Variants in ARPC5L observed in about 807,000 individuals in gnomAD.
ARPC5L encodes actin related protein 2/3 complex subunit 5 like, also known as actin-related protein 2/3 complex subunit 5-like protein.
In ARPC5L, 4 loss-of-function variants were observed where a neutral mutation model predicts 16.9. That is an observed-to-expected ratio of 0.24 (90% CI 0.12 to 0.54). ARPC5L has a LOEUF of 0.54. Among genes scored for constraint, ARPC5L ranks in the 20% least tolerant of loss-of-function variants. The probability of loss-of-function intolerance (pLI) is 0.95; values close to 1 mark genes in which losing one functional copy is unlikely to be tolerated. For missense variants in ARPC5L, 151 were observed against 201.9 expected (o/e 0.75, Z 1.53); for synonymous variants, 78 against 82.6 (o/e 0.94, Z 0.30).
intron 4 of ARPC5L, 68 bp from the exon 5 acceptor site, chr9:124,874,907 T>G: frequency 1.3e-6 from 2 of 1,584,650 alleles, no homozygotes; most frequent in Non-Finnish European, 1.7e-6. Context: ...TGTCCTTGCT[T>G]TGGTGTGGGG....
intron 2 of ARPC5L, among the ~76,000 whole-genome samples, chr9:124,866,831 CCT>C (rs1225358768): frequency 3.3e-5 from 5 of 152,338 alleles, no homozygotes; most frequent in South Asian, 2.1e-4. Flanking sequence ...ATCTAAATCA[CCT>C]CTCTACTTTG....
rs1829386875 is a variant in ARPC5L, at chr9:124,873,333, G to A, written c.150-359G>A. The A allele has an allele frequency of 2.6e-5, 6 of 231,946 alleles. No homozygotes were observed. The South Asian group carries it at 2.9e-4, about 11-fold the overall frequency. 14.4% of individuals were successfully genotyped at this position (231,946 alleles called of 1,614,324 possible). On this transcript the variant is annotated intron_variant, in intron 3 of 5. Transcript: ENST00000353214. ...TTTTTTAGAATGAGAAGATGAGAAC[G>A]ACCTCCAGTTCACATGTACGGGTGC...
rs370097988 is a variant in ARPC5L at position 124,872,582 on chromosome 9, G to A, written c.150-1110G>A. The A allele has an allele frequency of 1.4e-3, 200 of 147,706 alleles. 3 individuals are homozygous for A. Among genetic ancestry groups the A allele is most frequent in the African/African-American group, 4.6e-3 (184 of 40,426 alleles). 9.1% of individuals were successfully genotyped at this position (147,706 alleles called of 1,614,324 possible). A position where few individuals can be genotyped will look rare whatever the true frequency, so the allele number is the denominator to read the frequency against. ...ACTGCACTCCAGCCTGGGCGACAGA[G>A]CGAGACTCCGTCTCAAAAAAAAAAA... On this transcript the variant is annotated intron_variant, in intron 3 of 5. Transcript: ENST00000353214.
At chr9:124,863,309 T>C (rs1829230018) in intron 1 of ARPC5L, among the ~76,000 whole-genome samples, 1 of 152,124 alleles carries the variant, frequency 6.6e-6, no homozygotes, top group African/African-American at 2.4e-5. Flanking sequence ...TGTGTGCCAC[T>C]ACACCCAGCT....
chr9:124,874,847 T>C, intron 4 of ARPC5L, 128 bp from the exon 5 acceptor site: 1 of 1,152,770 alleles, frequency 8.7e-7, no homozygotes, highest in East Asian at 2.4e-5. Context: ...ACCCACTTAT[T>C]TTAACCATCC....
intron 4 of ARPC5L, 113 bp from the exon 5 acceptor site, chr9:124,874,862 C>T (rs1041353659): frequency 1.9e-5 from 25 of 1,304,842 alleles, no homozygotes; most frequent in Middle Eastern, 2.6e-4. Context: ...CCATCCTGGA[C>T]GAATTAGAAA....
Position 124,876,990 on chromosome 9 carries a change from G to A in ARPC5L, c.*50G>A. Reference sequence around the variant, plus strand: ...CTTGAGAAGAATTCTGGATGCCCAGGCTGGTGAAGAAGGGATTGACAATGG... The same window carrying A: ...CTTGAGAAGAATTCTGGATGCCCAGACTGGTGAAGAAGGGATTGACAATGG... On this transcript the variant is annotated 3_prime_UTR_variant, in exon 6 of 6. Coordinates refer to ENST00000353214, the MANE Select transcript of ARPC5L (RefSeq NM_030978.3). The A allele has an allele frequency of 1.3e-6, 2 of 1,506,422 alleles. No homozygotes were observed. Among genetic ancestry groups the A allele is most frequent in the East Asian group, 2.3e-5 (1 of 43,792 alleles). The allele number at this position is 1,506,422 out of a possible 1,614,324, so 93.3% of individuals were successfully genotyped here. A position where few individuals can be genotyped will look rare whatever the true frequency, so the allele number is the denominator to read the frequency against.
At chr9:124,867,270 T>G (rs576964418) in intron 2 of ARPC5L, among the ~76,000 whole-genome samples, 2 of 151,790 alleles carry the variant, frequency 1.3e-5, no homozygotes, top group East Asian at 3.9e-4. Flanking sequence ...GCTTCCCGAG[T>G]AGCTGGGATT....
At chr9:124,866,929 C>A (rs113724767) in intron 2 of ARPC5L, among the ~76,000 whole-genome samples, 2 of 152,152 alleles carry the variant, frequency 1.3e-5, no homozygotes, top group African/African-American at 4.8e-5. Flanking sequence ...TACTGTTCTG[C>A]TCAGAATTTC....
At chr9:124,875,928 G>T (rs1490365206) in intron 5 of ARPC5L, among the ~76,000 whole-genome samples, 1 of 152,198 alleles carries the variant, frequency 6.6e-6, no homozygotes, top group Non-Finnish European at 1.5e-5. Context: ...GTGGCCTTAG[G>T]TCTGCTGGCG....
Position 124,869,215 on chromosome 9 carries a change from A to G in ARPC5L, c.-76A>G. On this transcript the variant is annotated 5_prime_UTR_variant, in exon 3 of 6. Coordinates refer to ENST00000353214, the MANE Select transcript of ARPC5L (RefSeq NM_030978.3). ...GGGCAGCCGCTTCCCGCCCCCGAGCAGGAGCCGGTGCGAGCGGAGCAGAGC... is the reference window on the plus strand; with the variant it reads ...GGGCAGCCGCTTCCCGCCCCCGAGCGGGAGCCGGTGCGAGCGGAGCAGAGC... 5 of 1,355,814 alleles carry G rather than the reference A, an allele frequency of 3.7e-6. No homozygotes were observed. Among genetic ancestry groups the G allele is most frequent in the Non-Finnish European group, 3.8e-6 (4 of 1,049,264 alleles). The allele number at this position is 1,355,814 out of a possible 1,614,324, so 84.0% of individuals were successfully genotyped here. A position where few individuals can be genotyped will look rare whatever the true frequency, so the allele number is the denominator to read the frequency against.
In ARPC5L at chr9:124,876,978, C is replaced by T; in HGVS notation, c.*38C>T. On this transcript the variant is annotated 3_prime_UTR_variant, in exon 6 of 6. Transcript: ENST00000353214. ...GACTCATGTTACCTTGAGAAGAATT[C>T]TGGATGCCCAGGCTGGTGAAGAAGG... is the stretch of plus-strand genomic sequence containing the variant. The T allele has an allele frequency of 6.4e-7, 1 of 1,550,828 alleles. No homozygotes were observed. The highest frequency in any genetic ancestry group is 8.8e-7 in the Non-Finnish European group (1 of 1,134,758).
At position 124,869,024 on chromosome 9, in the gene ARPC5L, G is replaced by A. The variant is rs921172954; in HGVS notation, c.-267G>A. On this transcript the variant is annotated 5_prime_UTR_variant, in exon 3 of 6. The change creates a new upstream start codon in the 5' untranslated region. Coordinates refer to ENST00000353214, the MANE Select transcript of ARPC5L (RefSeq NM_030978.3). ...TCCTCAGTGACAAAATAGAGACTCC[G>A]TGGAAGGGACACTGAGGTGGGGGAG... The A allele has an allele frequency of 7.6e-5, 27 of 357,200 alleles. No individual in the cohort carries two copies. Among genetic ancestry groups the A allele is most frequent in the Admixed American group, 1.9e-4 (4 of 20,806 alleles). 22.1% of individuals were successfully genotyped at this position (357,200 alleles called of 1,614,324 possible).
chr9:124,863,861 C>A (rs1829236392), intron 1 of ARPC5L, 127 bp from the exon 2 acceptor site: 1 of 152,274 alleles, frequency 6.6e-6, no homozygotes, highest in Admixed American at 6.5e-5. Flanking sequence ...CCTCTTGTTA[C>A]TACCAGCTGT....
Position 124,869,167 on chromosome 9 carries a change from T to C in ARPC5L, c.-124T>C. 1 of 976,532 alleles carries C rather than the reference T, an allele frequency of 1.0e-6. No individual in the cohort carries two copies. Among genetic ancestry groups the C allele is most frequent in the Non-Finnish European group, 1.3e-6 (1 of 745,146 alleles). The allele number at this position is 976,532 out of a possible 1,614,324, so 60.5% of individuals were successfully genotyped here. A position where few individuals can be genotyped will look rare whatever the true frequency, so the allele number is the denominator to read the frequency against. ...CGGCGGCGGCTGCGCGCGGAGGCGG[T>C]GGAGGAGGTGCTGGGAGCAGCCGGG... is the stretch of plus-strand genomic sequence containing the variant. On this transcript the variant is annotated 5_prime_UTR_variant, in exon 3 of 6. Coordinates refer to ENST00000353214, the MANE Select transcript of ARPC5L (RefSeq NM_030978.3).
Position 124,862,140 on chromosome 9 carries a change from C to T in ARPC5L, c.-1242C>T, listed in dbSNP as rs1829210075. 4 of 498,372 alleles carry T rather than the reference C, an allele frequency of 8.0e-6. No individual in the cohort carries two copies. In the South Asian group the frequency reaches 1.1e-4, roughly 13 times the overall value. The allele number at this position is 498,372 out of a possible 1,614,324, so 30.9% of individuals were successfully genotyped here. On this transcript the variant is annotated 5_prime_UTR_variant, in exon 1 of 6. Coordinates refer to ENST00000353214, the MANE Select transcript of ARPC5L (RefSeq NM_030978.3). Reference sequence around the variant, plus strand: ...TGTAGTGCTCGCCTCATTCACGGCACCCCTGATAGCGAGGTCGGCGTCACG... The same window carrying T: ...TGTAGTGCTCGCCTCATTCACGGCATCCCTGATAGCGAGGTCGGCGTCACG...
Position 124,869,082 on chromosome 9 carries a change from C to T in ARPC5L, c.-209C>T, listed in dbSNP as rs1430596812. On this transcript the variant is annotated 5_prime_UTR_variant, in exon 3 of 6. Transcript: ENST00000353214. ...TGATCCCATACCGCACTCCAGGTGCCAGGCTCCGCCCCGCCCCTGACGGCG... is the reference window on the plus strand; with the variant it reads ...TGATCCCATACCGCACTCCAGGTGCTAGGCTCCGCCCCGCCCCTGACGGCG... 1 of 460,118 alleles carries T rather than the reference C, an allele frequency of 2.2e-6. No homozygotes were observed. The highest frequency in any genetic ancestry group is 3.6e-6 in the Non-Finnish European group (1 of 280,076). The allele number at this position is 460,118 out of a possible 1,614,324, so 28.5% of individuals were successfully genotyped here. A position where few individuals can be genotyped will look rare whatever the true frequency, so the allele number is the denominator to read the frequency against.
intron 2 of ARPC5L, among the ~76,000 whole-genome samples, chr9:124,865,588 G>A (rs1352167825): frequency 8.6e-5 from 13 of 151,570 alleles, no homozygotes; most frequent in African/African-American, 3.2e-4. Context: ...TCAGGAGTTC[G>A]AGACCAGCCT....
chr9:124,876,957 C>G lies in ARPC5L; in HGVS notation c.*17C>G, dbSNP rs1198960214. On this transcript the variant is annotated 3_prime_UTR_variant, in exon 6 of 6. Coordinates refer to ENST00000353214, the MANE Select transcript of ARPC5L (RefSeq NM_030978.3). Reference sequence around the variant, plus strand: ...ACTGTTTAAAAAAAATAAAAAGACTCATGTTACCTTGAGAAGAATTCTGGA... The same window carrying G: ...ACTGTTTAAAAAAAATAAAAAGACTGATGTTACCTTGAGAAGAATTCTGGA... 3 of 1,601,070 alleles carry G rather than the reference C, an allele frequency of 1.9e-6. No homozygotes were observed. In the East Asian group the frequency reaches 6.7e-5, roughly 36 times the overall value.
Sources: gnomAD v4.1 joint callset for allele counts (sites outside exome capture counted in the v4.1 genomes callset) on GRCh38, gnomAD v4.1.1 for gene constraint, MANE v1.5 for transcripts, NCBI Gene and HGNC (gene_info 2026-07-23, HGNC 2026-07-21) for gene names.